KALRN: variants seen among roughly 807,000 people sequenced by gnomAD.
KALRN encodes kalirin.
In KALRN, 70 loss-of-function variants were observed where a neutral mutation model predicts 353.7. The ratio of observed to expected loss-of-function variants is 0.20; its 90% confidence interval spans 0.16 to 0.24. KALRN has a LOEUF of 0.24. KALRN is among the 10% of genes least tolerant of loss of function. KALRN has a pLI of 1.00. For missense variants in KALRN, 2,791 were observed against 3,756.7 expected (o/e 0.74, Z 6.72); for synonymous variants, 1,391 against 1,434.8 (o/e 0.97, Z 0.69).
chr3:124,683,992 C>T (rs999485829), intron 51 of KALRN, among the ~76,000 whole-genome samples: 1 of 152,124 alleles, frequency 6.6e-6, no homozygotes, highest in Non-Finnish European at 1.5e-5. Flanking sequence ...CCATTTTAAC[C>T]ATTTTTGAGT....
chr3:124,380,304 G>A (rs1045039226), intron 10 of KALRN, among the ~76,000 whole-genome samples: 3 of 152,200 alleles, frequency 2.0e-5, no homozygotes, highest in South Asian at 2.1e-4. Flanking sequence ...TCTTCCCTGG[G>A]GAGAAAATTT....
At chr3:124,439,122 T>C (rs2093577892) in intron 18 of KALRN, 85 bp downstream of exon 18, 4 of 1,335,700 alleles carry the variant, frequency 3.0e-6, no homozygotes, top group Non-Finnish European at 4.1e-6. Context: ...CTCTTTTCTT[T>C]CTTTCTCTTT....
In KALRN at chr3:124,329,869, G is replaced by A. The variant is rs149268642; in HGVS notation, c.1293G>A (p.Ser431=). The change falls in exon 8 of 60, where the codon TCG becomes TCA. Residue 431 remains serine, a synonymous_variant. Transcript: ENST00000682506. The part of the protein sequence containing the change: ...VFHQKAEQFL[S]GVDAWCKMCS... ...CCTGCATCTCCTTCCAGTTCCTGTC[G>A]GGAGTGGATGCCTGGTGCAAGATGT... 33 of 1,613,440 alleles carry A rather than the reference G, an allele frequency of 2.0e-5. No homozygotes were observed. Among genetic ancestry groups the A allele is most frequent in the African/African-American group, 1.2e-4 (9 of 74,984 alleles).
intron 27 of KALRN, among the ~76,000 whole-genome samples, chr3:124,478,953 C>A (rs370152423): frequency 1.3e-5 from 2 of 152,324 alleles, no homozygotes; most frequent in South Asian, 4.1e-4. Context: ...AAAATTCTTC[C>A]TATCCATTAA....
chr3:124,512,891 C>T (rs1490375157), intron 33 of KALRN, among the ~76,000 whole-genome samples: 2 of 151,936 alleles, frequency 1.3e-5, no homozygotes, highest in African/African-American at 4.8e-5. Context: ...ATAAATTTAA[C>T]AAAAACCTAA....
At chr3:124,466,264 G>T (rs1269483355) in intron 25 of KALRN, among the ~76,000 whole-genome samples, 4 of 152,126 alleles carry the variant, frequency 2.6e-5, no homozygotes. Flanking sequence ...TCCCCATTTT[G>T]CACTACTTCT....
intron 5 of KALRN, among the ~76,000 whole-genome samples, chr3:124,282,956 C>T (rs1280372017): frequency 6.6e-6 from 1 of 152,218 alleles, no homozygotes; most frequent in East Asian, 1.9e-4. Context: ...CCTAGTCCTC[C>T]TCCTAAGCTC....
At chr3:124,680,664 T>C (rs1179733200) in intron 51 of KALRN, among the ~76,000 whole-genome samples, 1 of 152,188 alleles carries the variant, frequency 6.6e-6, no homozygotes, top group Middle Eastern at 3.2e-3. Flanking sequence ...AGAGAGATCA[T>C]GAGGCCTAAG....
intron 1 of KALRN, among the ~76,000 whole-genome samples, chr3:124,055,963 G>T (rs1378906230): frequency 6.6e-6 from 1 of 152,064 alleles, no homozygotes; most frequent in Non-Finnish European, 1.5e-5. Flanking sequence ...TTGTTCTCCG[G>T]GAGTTTTCCA....
chr3:124,287,823 A>G lies in KALRN; in HGVS notation c.970-10968A>G, dbSNP rs1004011930. ...TATATATATATATATATATATATAT[A>G]TATGTATATAATTTTTATATATTTA... On this transcript the variant is annotated intron_variant, in intron 5 of 59. Coordinates refer to ENST00000682506, the MANE Select transcript of KALRN (RefSeq NM_001388419.1). Among the ~76,000 whole-genome samples, 254 of 53,702 alleles carry G rather than the reference A, an allele frequency of 4.7e-3. 1 individual carries two copies. The highest frequency in any genetic ancestry group is 0.025 in the East Asian group (44 of 1,726). 35.2% of individuals were successfully genotyped at this position (53,702 alleles called of 152,430 possible).
chr3:124,506,307 G>C (rs753441611), intron 33 of KALRN, among the ~76,000 whole-genome samples: 3 of 152,126 alleles, frequency 2.0e-5, no homozygotes, highest in Non-Finnish European at 2.9e-5. Context: ...CTACTAATCA[G>C]CCTTCTCATC....
At chr3:124,206,940 C>T (rs531207855) in intron 1 of KALRN, among the ~76,000 whole-genome samples, 1 of 152,304 alleles carries the variant, frequency 6.6e-6, no homozygotes, top group Admixed American at 6.5e-5. Context: ...GATTTCCCAC[C>T]TCAGAACATT....
intron 27 of KALRN, 107 bp from the exon 28 acceptor site, chr3:124,482,701 T>G: frequency 1.3e-6 from 1 of 757,130 alleles, no homozygotes; most frequent in Non-Finnish European, 2.4e-6. Flanking sequence ...CTTGTCTACC[T>G]TTTTCTCTTT....
intron 38 of KALRN, among the ~76,000 whole-genome samples, chr3:124,653,167 A>G (rs75626067): frequency 0.082 from 12,508 of 152,240 alleles, 625 homozygotes; most frequent in Middle Eastern, 0.19. Context: ...ACTGTAAACC[A>G]TATGTGAGGC....
chr3:124,063,327 A>G (rs2042110722), intron 1 of KALRN, among the ~76,000 whole-genome samples: 1 of 152,158 alleles, frequency 6.6e-6, no homozygotes, highest in African/African-American at 2.4e-5. Context: ...GGGGAGGGTG[A>G]CGGGGTCTGT....
chr3:124,061,183 G>A (rs144848623), intron 1 of KALRN, among the ~76,000 whole-genome samples: 2 of 152,286 alleles, frequency 1.3e-5, no homozygotes, highest in South Asian at 2.1e-4. Flanking sequence ...ATCAGACTGA[G>A]CTCCCTGTTG....
chr3:124,603,174 CA>C (rs2076986301), intron 34 of KALRN, among the ~76,000 whole-genome samples: 1 of 152,152 alleles, frequency 6.6e-6, no homozygotes, highest in African/African-American at 2.4e-5. Context: ...CCCTAAATAG[CA>C]GAGGCCTGGA....
chr3:124,398,965 A>C (rs2090512842), intron 13 of KALRN, 94 bp downstream of exon 13: 1 of 1,301,386 alleles, frequency 7.7e-7, no homozygotes, highest in Admixed American at 2.6e-5. Context: ...GCCTAAGGAA[A>C]TTAGAGCATC....
chr3:124,344,956 G>C (rs922466540), intron 9 of KALRN, among the ~76,000 whole-genome samples: 1 of 152,210 alleles, frequency 6.6e-6, no homozygotes, highest in Non-Finnish European at 1.5e-5. Context: ...TGCAAACACT[G>C]TATGTGGGTG....
Sources: gnomAD v4.1 joint callset for allele counts (sites outside exome capture counted in the v4.1 genomes callset) on GRCh38, gnomAD v4.1.1 for gene constraint, MANE v1.5 for transcripts, NCBI Gene and HGNC (gene_info 2026-07-23, HGNC 2026-07-21) for gene names.